LRRC4C: variants seen among roughly 807,000 people sequenced by gnomAD.
LRRC4C encodes the protein leucine-rich repeat-containing protein 4C.
Under a neutral mutation model 33.6 loss-of-function variants are expected in LRRC4C, and 5 were observed. The observed-to-expected ratio is 0.15, with a 90% confidence interval of 0.08 to 0.31. LRRC4C has a LOEUF of 0.31. Among genes scored for constraint, LRRC4C ranks in the 10% least tolerant of loss-of-function variants. The pLI, the probability that LRRC4C is intolerant of heterozygous loss-of-function variation, is 1.00. For synonymous variants in LRRC4C, 329 were observed against 302.0 expected (o/e 1.09, Z -0.93); for missense variants, 560 against 796.7 (o/e 0.70, Z 3.58).
Position 40,142,593 on chromosome 11 carries a change from T to C in LRRC4C, c.-95-1740A>G, listed in dbSNP as rs564386818. Among the ~76,000 whole-genome samples the C allele has an allele frequency of 2.6e-5, 4 of 152,304 alleles. No homozygotes were observed. In the South Asian group the frequency reaches 6.2e-4, roughly 24 times the overall value. Reference sequence around the variant, plus strand: ...GTCCTTTATGAAACACCTTTTGCACTTGGCTCCTACAAAACGACTCCCTTG... The same window carrying C: ...GTCCTTTATGAAACACCTTTTGCACCTGGCTCCTACAAAACGACTCCCTTG... On this transcript the variant is annotated intron_variant, in intron 5 of 6. Transcript: ENST00000528697.
chr11:40,858,961 T>G (rs1298237322), intron 2 of LRRC4C, among the ~76,000 whole-genome samples: 1 of 152,146 alleles, frequency 6.6e-6, no homozygotes, highest in Non-Finnish European at 1.5e-5. Context: ...TTAAATTCTT[T>G]GAGAGCCACA....
intron 3 of LRRC4C, among the ~76,000 whole-genome samples, chr11:40,402,661 A>G (rs16934795): frequency 6.6e-6 from 1 of 152,092 alleles, no homozygotes; most frequent in African/African-American, 2.4e-5. Context: ...ACAATAATCA[A>G]TTCAAGACCA....
At chr11:40,932,326 T>C (rs1022232069) in intron 2 of LRRC4C, among the ~76,000 whole-genome samples, 4 of 152,102 alleles carry the variant, frequency 2.6e-5, no homozygotes, top group Non-Finnish European at 4.4e-5. Flanking sequence ...CAAAAATAGA[T>C]CCTTCTTCTA....
At chr11:40,564,513 G>A (rs997551021) in intron 3 of LRRC4C, among the ~76,000 whole-genome samples, 1 of 152,184 alleles carries the variant, frequency 6.6e-6, no homozygotes, top group Non-Finnish European at 1.5e-5. Flanking sequence ...GATGGTGGAA[G>A]AGGTGGACAC....
chr11:40,202,450 C>T (rs73461951), intron 5 of LRRC4C, among the ~76,000 whole-genome samples: 2,192 of 152,154 alleles, frequency 0.014, 57 homozygotes, highest in African/African-American at 0.05. Flanking sequence ...AGTTATAATT[C>T]TCCCTCTGTG....
chr11:40,776,366 T>G (rs1050550105), intron 2 of LRRC4C, among the ~76,000 whole-genome samples: 1 of 152,060 alleles, frequency 6.6e-6, no homozygotes, highest in Non-Finnish European at 1.5e-5. Flanking sequence ...GGTCTAGGGA[T>G]TTTTTTAATT....
chr11:40,926,928 G>A (rs1459335000), intron 2 of LRRC4C, among the ~76,000 whole-genome samples: 1 of 152,164 alleles, frequency 6.6e-6, no homozygotes, highest in African/African-American at 2.4e-5. Context: ...GGAGGATCAT[G>A]AGTGTTCAGA....
intron 2 of LRRC4C, among the ~76,000 whole-genome samples, chr11:40,928,847 AT>A (rs1435741925): frequency 6.6e-6 from 1 of 152,158 alleles, no homozygotes; most frequent in African/African-American, 2.4e-5. Flanking sequence ...GGCTTATACC[AT>A]TTTTTCTTAA....
At chr11:41,403,387 C>T (rs142755726) in intron 1 of LRRC4C, among the ~76,000 whole-genome samples, 2 of 152,148 alleles carry the variant, frequency 1.3e-5, no homozygotes, top group Admixed American at 1.3e-4. Flanking sequence ...CAGATACCTA[C>T]AGGTCTGTAT....
At chr11:40,294,215 T>C (rs1944392966) in intron 4 of LRRC4C, 2 of 152,162 alleles carry the variant, frequency 1.3e-5, no homozygotes, top group Admixed American at 6.5e-5. Flanking sequence ...CATTAACACT[T>C]GAAGTCAGGG....
rs927086012 is a variant in LRRC4C at position 40,228,668 on chromosome 11, T to C, written c.-96+12851A>G. The stretch of plus-strand genomic sequence containing the variant: ...CAATGATCCCTTGCTTGTGGAAGAA[T>C]GCTCACAAATCATCTTTTCAAATAT... On this transcript the variant is annotated intron_variant, in intron 5 of 6. Coordinates refer to ENST00000528697, the MANE Select transcript of LRRC4C (RefSeq NM_001258419.2). Among the ~76,000 whole-genome samples, 3 of 152,356 alleles carry C rather than the reference T, an allele frequency of 2.0e-5. No individual in the cohort carries two copies. The South Asian group carries it at 6.2e-4, about 32-fold the overall frequency.
At chr11:41,426,812 G>A (rs1290499149) in intron 1 of LRRC4C, among the ~76,000 whole-genome samples, 1 of 152,112 alleles carries the variant, frequency 6.6e-6, no homozygotes, top group African/African-American at 2.4e-5. Flanking sequence ...ACACTGCTGG[G>A]GTTGGAACAC....
chr11:40,217,307 C>G (rs559489133), intron 5 of LRRC4C, among the ~76,000 whole-genome samples: 1 of 151,876 alleles, frequency 6.6e-6, no homozygotes, highest in African/African-American at 2.4e-5. Flanking sequence ...TAAAGTCTAG[C>G]AACATTAATA....
intron 2 of LRRC4C, among the ~76,000 whole-genome samples, chr11:40,682,778 A>AAATAAATAAATT (rs761497397): frequency 1.4e-5 from 2 of 144,282 alleles, no homozygotes; most frequent in Non-Finnish European, 3.0e-5. Context: ...ATAAATAAAT[A>AAATAAATAAATT]AAATAAAGAT....
chr11:41,263,538 T>A (rs1949050481), intron 1 of LRRC4C, among the ~76,000 whole-genome samples: 1 of 152,196 alleles, frequency 6.6e-6, no homozygotes, highest in African/African-American at 2.4e-5. Flanking sequence ...TTTGTTAAGA[T>A]AATTGTTTTC....
At chr11:40,170,094 C>T (rs191160872) in intron 5 of LRRC4C, among the ~76,000 whole-genome samples, 99 of 152,306 alleles carry the variant, frequency 6.5e-4, no homozygotes, top group Admixed American at 6.4e-3. Flanking sequence ...TCTATTTTAA[C>T]TGTGGGTGAT....
In LRRC4C at chr11:40,822,811, A is replaced by G. The variant is rs146312515; in HGVS notation, c.-407+110824T>C. On this transcript the variant is annotated intron_variant, in intron 2 of 6. Coordinates refer to ENST00000528697, the MANE Select transcript of LRRC4C (RefSeq NM_001258419.2). ...GTTATTTCCTAGTTTTAGGCCTTAC[A>G]TTTCAGTCTTTAATTCATTTTGATT... is the stretch of plus-strand genomic sequence containing the variant. Among the ~76,000 whole-genome samples, 4 of 151,702 alleles carry G rather than the reference A, an allele frequency of 2.6e-5. No homozygotes were observed. The East Asian group carries it at 7.8e-4, about 30-fold the overall frequency.
chr11:41,003,734 G>A (rs1854544412), intron 1 of LRRC4C, among the ~76,000 whole-genome samples: 1 of 151,634 alleles, frequency 6.6e-6, no homozygotes, highest in Admixed American at 6.6e-5. Flanking sequence ...AAATACTTTA[G>A]AGTATTATTC....
chr11:41,395,925 A>G (rs1485037666), intron 1 of LRRC4C, among the ~76,000 whole-genome samples: 1 of 152,058 alleles, frequency 6.6e-6, no homozygotes, highest in African/African-American at 2.4e-5. Flanking sequence ...TTCCTTTTGG[A>G]AATAGTGAAG....
Sources: allele counts gnomAD v4.1 joint callset (sites outside exome capture counted in the v4.1 genomes callset), GRCh38; gene constraint gnomAD v4.1.1; transcripts MANE v1.5; gene names NCBI Gene and HGNC (gene_info 2026-07-23, HGNC 2026-07-21).